MAPRE2: variants seen among roughly 807,000 people sequenced by gnomAD.
MAPRE2 encodes the protein microtubule-associated protein RP/EB family member 2.
In MAPRE2, 13 loss-of-function variants were observed where a neutral mutation model predicts 43.2. The observed-to-expected ratio is 0.30, with a 90% CI of 0.20 to 0.48. The LOEUF is 0.48. Among genes scored for constraint, MAPRE2 ranks in the 20% least tolerant of loss-of-function variants. The pLI is 0.99. For synonymous variants in MAPRE2, 135 were observed against 148.8 expected (o/e 0.91, Z 0.68); for missense variants, 161 against 400.2 (o/e 0.40, Z 5.10).
intron 2 of MAPRE2, among the ~76,000 whole-genome samples, chr18:35,023,887 T>C (rs1193382115): frequency 6.6e-6 from 1 of 152,158 alleles, no homozygotes; most frequent in African/African-American, 2.4e-5. Context: ...GTCTCCAGGA[T>C]AGCTGAGGAA....
intron 2 of MAPRE2, among the ~76,000 whole-genome samples, chr18:35,078,826 C>G (rs1907495823): frequency 6.6e-6 from 1 of 152,156 alleles, no homozygotes; most frequent in South Asian, 2.1e-4. Context: ...AAGGGTGTGT[C>G]CCAATGGTAT....
chr18:34,994,160 T>C (rs561627755), intron 1 of MAPRE2, among the ~76,000 whole-genome samples: 1 of 151,768 alleles, frequency 6.6e-6, no homozygotes, highest in Non-Finnish European at 1.5e-5. Flanking sequence ...GCTGTCCCCA[T>C]GGGGAATGAA....
intron 4 of MAPRE2, among the ~76,000 whole-genome samples, chr18:35,119,451 T>G (rs1443343422): frequency 6.6e-6 from 1 of 152,242 alleles, no homozygotes; most frequent in Non-Finnish European, 1.5e-5. Flanking sequence ...TATTGTCTAG[T>G]TCCCCTGTTA....
intron 2 of MAPRE2, among the ~76,000 whole-genome samples, chr18:35,087,612 T>C (rs997705017): frequency 6.6e-6 from 1 of 152,204 alleles, no homozygotes; most frequent in Non-Finnish European, 1.5e-5. Context: ...CAGCCCTTGT[T>C]GTGGTTCAAC....
intron 1 of MAPRE2, among the ~76,000 whole-genome samples, chr18:35,059,323 TA>T (rs34590867): frequency 0.046 from 6,666 of 144,702 alleles, 368 homozygotes; most frequent in African/African-American, 0.14. Flanking sequence ...TACTCACCTT[TA>T]AAAAAAAAAA....
upstream of MAPRE2, among the ~76,000 whole-genome samples, chr18:35,036,923 T>C (rs2097050870): frequency 6.6e-6 from 1 of 152,208 alleles, no homozygotes; most frequent in Admixed American, 6.5e-5. Context: ...TTCTGTCTGG[T>C]GCATAGAAAA....
At chr18:35,033,603 T>C (rs1205416531) in intron 2 of MAPRE2, among the ~76,000 whole-genome samples, 3 of 151,296 alleles carry the variant, frequency 2.0e-5, no homozygotes, top group African/African-American at 4.9e-5. Flanking sequence ...TGATTGTATA[T>C]CTAGAAAACC....
chr18:34,994,445 G>C (rs2097025431), intron 1 of MAPRE2, among the ~76,000 whole-genome samples: 1 of 151,248 alleles, frequency 6.6e-6, no homozygotes, highest in Non-Finnish European at 1.5e-5. Context: ...AGAAATGATG[G>C]TCAAACTGGG....
chr18:35,030,853 A>G (rs1422710347), intron 2 of MAPRE2, among the ~76,000 whole-genome samples: 1 of 152,170 alleles, frequency 6.6e-6, no homozygotes, highest in Non-Finnish European at 1.5e-5. Context: ...ACTGTGCTAC[A>G]TACATGTGAC....
chr18:35,097,501 G>A lies in MAPRE2; in HGVS notation c.306G>A (p.Lys102=). The part of the protein sequence containing the change: ...DMLFPGCISL[K]KVKFQAKLEH... ...TCTTCCCTGGCTGCATTAGTTTGAA[G>A]AAAGTAAAATTTCAAGCAAAGCTGG... The change falls in exon 3 of 7, where the codon AAG becomes AAA. Residue 102 remains lysine (K), a synonymous_variant. Coordinates refer to ENST00000300249, the MANE Select transcript of MAPRE2 (RefSeq NM_014268.4). 1 of 1,613,894 alleles carries A rather than the reference G, an allele frequency of 6.2e-7. No homozygotes were observed. Among genetic ancestry groups the A allele is most frequent in the Non-Finnish European group, 8.5e-7 (1 of 1,179,862 alleles).
chr18:35,041,267 A>G (rs530081), upstream of MAPRE2: 921,900 of 1,319,640 alleles, frequency 0.7, 325,057 homozygotes, highest in African/African-American at 0.93. Context: ...TCACGCCGCG[A>G]CCCTGTGCGA....
chr18:35,132,420 G>C (rs1910199686), intron 6 of MAPRE2, among the ~76,000 whole-genome samples: 1 of 152,180 alleles, frequency 6.6e-6, no homozygotes, highest in South Asian at 2.1e-4. Context: ...AGGTGGGGTG[G>C]GGAAGGCTTT....
intron 2 of MAPRE2, among the ~76,000 whole-genome samples, chr18:35,031,614 A>T (rs2097047884): frequency 6.6e-6 from 1 of 152,228 alleles, no homozygotes; most frequent in African/African-American, 2.4e-5. Flanking sequence ...TCCAAGCTTG[A>T]GAAAATCTAA....
rs2144275501 is a variant in MAPRE2 at position 35,143,446 on chromosome 18, A to G, written c.*3077A>G. ...TTGCATTGATCTTTTTACATATTTAATAAAAAAAAAAGTATATGTTAAAAT... is the reference window on the plus strand; with the variant it reads ...TTGCATTGATCTTTTTACATATTTAGTAAAAAAAAAAGTATATGTTAAAAT... On this transcript the variant is annotated 3_prime_UTR_variant, in exon 7 of 7. Coordinates refer to ENST00000300249, the MANE Select transcript of MAPRE2 (RefSeq NM_014268.4). 6.6e-6 allele frequency: 1 copy of G among 150,684 alleles called. No individual in the cohort carries two copies. Among genetic ancestry groups the G allele is most frequent in the Non-Finnish European group, 1.5e-5 (1 of 67,722 alleles). 9.3% of individuals were successfully genotyped at this position (150,684 alleles called of 1,614,324 possible).
At chr18:34,981,870 T>A (rs1268865210) in intron 1 of MAPRE2, among the ~76,000 whole-genome samples, 14 of 39,640 alleles carry the variant, frequency 3.5e-4, no homozygotes, top group African/African-American at 6.8e-4. Flanking sequence ...ATTTATTTTT[T>A]TTTTTTATTT....
chr18:35,109,555 G>A (rs1466862179), intron 4 of MAPRE2, among the ~76,000 whole-genome samples: 4 of 152,108 alleles, frequency 2.6e-5, no homozygotes, highest in African/African-American at 7.2e-5. Context: ...GGGAAGTATG[G>A]CCTTTTTATT....
upstream of MAPRE2, among the ~76,000 whole-genome samples, chr18:35,039,826 CAT>C (rs1480158711): frequency 6.6e-6 from 1 of 152,212 alleles, no homozygotes; most frequent in African/African-American, 2.4e-5. Flanking sequence ...CTTTATGACA[CAT>C]ATATTTATGC....
intron 2 of MAPRE2, among the ~76,000 whole-genome samples, chr18:35,086,729 C>A (rs1907899474): frequency 6.6e-6 from 1 of 151,656 alleles, no homozygotes; most frequent in Non-Finnish European, 1.5e-5. Context: ...TTCCACTCTG[C>A]AATTTCTTAG....
chr18:34,999,317 A>T (rs2097028174), intron 1 of MAPRE2, among the ~76,000 whole-genome samples: 1 of 152,216 alleles, frequency 6.6e-6, no homozygotes, highest in Non-Finnish European at 1.5e-5. Flanking sequence ...TATTTCCCAT[A>T]TATGTAGTTT....
Sources: gnomAD v4.1 joint callset for allele counts (sites outside exome capture counted in the v4.1 genomes callset) on GRCh38, gnomAD v4.1.1 for gene constraint, MANE v1.5 for transcripts, NCBI Gene and HGNC (gene_info 2026-07-23, HGNC 2026-07-21) for gene names.